The following EPHA5 variants were observed in gnomAD, a reference collection of about 807,000 sequenced individuals.
EPHA5 encodes the protein EPH receptor A5.
Under a neutral mutation model 105.0 loss-of-function variants are expected in EPHA5, and 60 were observed. The observed-to-expected ratio is 0.57, with a 90% CI of 0.46 to 0.71. The LOEUF (loss-of-function observed/expected upper bound fraction) is 0.71, where lower values mean the gene tolerates loss of function less well. Among genes scored for constraint, EPHA5 ranks in the 30% least tolerant of loss-of-function variants. The probability of loss-of-function intolerance (pLI) is 0.00; values close to 1 mark genes in which losing one functional copy is unlikely to be tolerated. For synonymous variants in EPHA5, 513 were observed against 449.1 expected (o/e 1.14, Z -1.80); for missense variants, 1,218 against 1,274.7 (o/e 0.96, Z 0.68).
chr4:65,370,235 C>T (rs1430359861), intron 8 of EPHA5, among the ~76,000 whole-genome samples: 2 of 151,978 alleles, frequency 1.3e-5, no homozygotes, highest in African/African-American at 4.8e-5. Flanking sequence ...ATACATTAAA[C>T]CATACTGAAA....
intron 3 of EPHA5, among the ~76,000 whole-genome samples, chr4:65,589,492 A>G (rs1489011835): frequency 6.6e-6 from 1 of 152,158 alleles, no homozygotes; most frequent in Non-Finnish European, 1.5e-5. Flanking sequence ...TCAGAAAACA[A>G]GGAGTCTTCA....
intron 3 of EPHA5, among the ~76,000 whole-genome samples, chr4:65,545,120 C>T (rs1367599749): frequency 1.3e-5 from 2 of 151,852 alleles, no homozygotes; most frequent in Non-Finnish European, 2.9e-5. Flanking sequence ...TTAAAATGCA[C>T]AAATATATGT....
chr4:65,520,103 T>C (rs935612542), intron 3 of EPHA5, among the ~76,000 whole-genome samples: 3 of 151,940 alleles, frequency 2.0e-5, no homozygotes, highest in Non-Finnish European at 2.9e-5. Flanking sequence ...AAGCTGAAGG[T>C]ATCACACTAT....
intron 8 of EPHA5, among the ~76,000 whole-genome samples, chr4:65,394,875 C>T (rs1428951947): frequency 1.3e-5 from 2 of 151,966 alleles, no homozygotes; most frequent in Non-Finnish European, 2.9e-5. Context: ...CATGTTACTT[C>T]CATTAGGCAA....
intron 8 of EPHA5, among the ~76,000 whole-genome samples, chr4:65,383,994 C>T (rs34994708): frequency 0.1 from 15,149 of 151,788 alleles, 1,051 homozygotes; most frequent in East Asian, 0.24. Flanking sequence ...GTATGATGTG[C>T]ATGTAAAAAT....
chr4:65,408,538 C>G (rs1410590166), intron 7 of EPHA5, among the ~76,000 whole-genome samples: 1 of 144,254 alleles, frequency 6.9e-6, no homozygotes, highest in Non-Finnish European at 1.5e-5. Flanking sequence ...AGGACATGAA[C>G]AGACACTTCT....
intron 3 of EPHA5, among the ~76,000 whole-genome samples, chr4:65,582,474 G>GAAA (rs35859138): frequency 0.06 from 8,318 of 139,302 alleles, 335 homozygotes; most frequent in Admixed American, 0.11. Flanking sequence ...TAGCAATTGG[G>GAAA]AAAAAAAAAA....
chr4:65,651,981 G>C (rs567401370), intron 1 of EPHA5, among the ~76,000 whole-genome samples: 53 of 152,268 alleles, frequency 3.5e-4, no homozygotes, highest in Middle Eastern at 3.4e-3. Flanking sequence ...TGCATGAAAA[G>C]AGCAACACCA....
At chr4:65,426,874 A>G (rs1291172642) in intron 5 of EPHA5, among the ~76,000 whole-genome samples, 1 of 152,110 alleles carries the variant, frequency 6.6e-6, no homozygotes, top group Non-Finnish European at 1.5e-5. Flanking sequence ...ATATAGGTAG[A>G]ACTATATTTG....
intron 3 of EPHA5, among the ~76,000 whole-genome samples, chr4:65,541,013 A>G (rs968253145): frequency 1.3e-5 from 2 of 151,206 alleles, no homozygotes; most frequent in Non-Finnish European, 3.0e-5. Context: ...CAACCATAAT[A>G]TCTCTCTCTT....
intron 11 of EPHA5, among the ~76,000 whole-genome samples, chr4:65,363,542 G>C (rs1235189844): frequency 6.6e-6 from 1 of 151,402 alleles, no homozygotes; most frequent in East Asian, 1.9e-4. Context: ...TATGGAGTTT[G>C]CATTTACCCT....
At position 65,601,757 on chromosome 4, in the gene EPHA5, T is replaced by G. The variant is rs1283470637; in HGVS notation, c.794A>C (p.His265Pro). 2 of 1,614,128 alleles carry G rather than the reference T, an allele frequency of 1.2e-6. No homozygotes were observed. The highest frequency in any genetic ancestry group is 1.7e-6 in the Non-Finnish European group (2 of 1,180,014). ...LLEVSGSCVNHSVTDEPPKMH... is the reference protein window; with the variant it reads ...LLEVSGSCVNPSVTDEPPKMH... The stretch of plus-strand genomic sequence containing the variant: ...TTTGGGAGGTTCATCGGTCACAGAA[T>G]GGTTGACACAGGAGCCTGACACTTC... The change falls in exon 3 of 17, where the codon CAT becomes CCT. Residue 265 changes from histidine (H) to proline (P), a missense_variant. Physicochemically the swap from His to Pro is moderately conservative, Grantham distance 77. This residue lies in a region of EPHA5 where 971 missense variants were observed against 1,013.5 expected (regional missense o/e 0.96). Transcript: ENST00000613740.
chr4:65,664,404 G>A (rs1364916807), intron 1 of EPHA5, among the ~76,000 whole-genome samples: 1 of 151,752 alleles, frequency 6.6e-6, no homozygotes, highest in East Asian at 1.9e-4. Flanking sequence ...TTAAAGATAG[G>A]TACTAATAAT....
chr4:65,352,786 C>CCT (rs1553897878), intron 12 of EPHA5, among the ~76,000 whole-genome samples: 1 of 81,854 alleles, frequency 1.2e-5, no homozygotes. Flanking sequence ...TACTTCTCTG[C>CCT]ATTTTTTTTT....
chr4:65,517,195 T>A (rs1173900298), intron 3 of EPHA5, among the ~76,000 whole-genome samples: 1 of 151,988 alleles, frequency 6.6e-6, no homozygotes, highest in African/African-American at 2.4e-5. Flanking sequence ...GAGTTAACTA[T>A]TTTATCACTT....
intron 3 of EPHA5, among the ~76,000 whole-genome samples, chr4:65,555,302 A>T (rs12647515): frequency 1.3e-5 from 2 of 151,726 alleles, no homozygotes; most frequent in Admixed American, 1.3e-4. Context: ...CTGTATTTGG[A>T]CACCCTACCA....
intron 11 of EPHA5, among the ~76,000 whole-genome samples, chr4:65,358,673 A>T (rs1723538252): frequency 6.6e-6 from 1 of 151,622 alleles, no homozygotes; most frequent in South Asian, 2.1e-4. Flanking sequence ...AAATGTACTC[A>T]GATATTTTAA....
chr4:65,596,637 T>G (rs1743215930), intron 3 of EPHA5, among the ~76,000 whole-genome samples: 1 of 151,490 alleles, frequency 6.6e-6, no homozygotes, highest in African/African-American at 2.4e-5. Context: ...ATGGATGAAA[T>G]GATTTGACTA....
chr4:65,436,435 G>A (rs80031372), intron 5 of EPHA5, among the ~76,000 whole-genome samples: 2,689 of 151,784 alleles, frequency 0.018, 89 homozygotes, highest in East Asian at 0.14. Flanking sequence ...AATTCTGTCC[G>A]TCATATTTTA....
Sources: gnomAD v4.1 joint callset for allele counts (sites outside exome capture counted in the v4.1 genomes callset) on GRCh38, gnomAD v4.1.1 for gene constraint, gnomAD v4.1.1 regional missense constraint, MANE v1.5 for transcripts, NCBI Gene and HGNC (gene_info 2026-07-23, HGNC 2026-07-21) for gene names.